Variants in HIPK1 observed in about 807,000 individuals in gnomAD.
HIPK1 encodes the protein homeodomain interacting protein kinase 1.
HIPK1 carries 28 observed loss-of-function variants against 117.1 expected under a neutral mutation model. That is an observed-to-expected ratio of 0.24 (90% CI 0.18 to 0.33). The LOEUF is 0.33. HIPK1 is among the 10% of genes least tolerant of loss of function. The pLI is 1.00. For synonymous variants in HIPK1, 605 were observed against 562.5 expected, an observed-to-expected ratio of 1.08 and a Z score of -1.07; for missense variants, 1,122 against 1,475.1, an observed-to-expected ratio of 0.76 and a Z score of 3.92.
intron 2 of HIPK1, 66 bp from the exon 3 acceptor site, chr1:113,952,700 T>TCATGTAGTTA: frequency 1.7e-6 from 2 of 1,199,564 alleles, no homozygotes; most frequent in Non-Finnish European, 2.2e-6. Flanking sequence ...CAGGACTTAG[T>TCATGTAGTTA]CATGTAGTTA....
intron 15 of HIPK1, among the ~76,000 whole-genome samples, chr1:113,972,760 G>A (rs951614650): frequency 1.3e-5 from 2 of 152,162 alleles, no homozygotes; most frequent in African/African-American, 4.8e-5. Context: ...GCAGGAGTGG[G>A]GAACCCTATG....
intron 8 of HIPK1, 99 bp downstream of exon 8, chr1:113,958,390 T>C: frequency 1.3e-6 from 1 of 783,964 alleles, no homozygotes; most frequent in Non-Finnish European, 2.0e-6. Flanking sequence ...GTTTAAACTC[T>C]GTCTCTGATG....
At position 113,974,387 on chromosome 1, in the gene HIPK1, T is replaced by C. The variant is rs1403519866; in HGVS notation, c.*875T>C. 1 of 152,830 alleles carries C rather than the reference T, an allele frequency of 6.5e-6. No individual in the cohort carries two copies. The highest frequency in any genetic ancestry group is 1.5e-5 in the Non-Finnish European group (1 of 68,042). The allele number at this position is 152,830 out of a possible 1,614,324, so 9.5% of individuals were successfully genotyped here. A position where few individuals can be genotyped will look rare whatever the true frequency, so the allele number is the denominator to read the frequency against. On this transcript the variant is annotated 3_prime_UTR_variant, in exon 16 of 16. Transcript: ENST00000426820. ...ATCGAAAAAGCCATTAAGGTGGTTA[T>C]TATTACATGGTGGTGGTGGTTTTAT...
rs137902440 is a variant in HIPK1, at chr1:113,937,422, C to T, written c.-2-2960C>T. The stretch of plus-strand genomic sequence containing the variant: ...GTATGGATTGGAGTAGAGACTTCCC[C>T]CATGACTCAAGGACCACACAGATAA... On this transcript the variant is annotated intron_variant, in intron 1 of 15. Transcript: ENST00000426820. Among the ~76,000 whole-genome samples, 17 of 151,794 alleles carry T rather than the reference C, an allele frequency of 1.1e-4. No individual in the cohort carries two copies. In the East Asian group the frequency reaches 3.3e-3, roughly 29 times the overall value.
intron 1 of HIPK1, among the ~76,000 whole-genome samples, chr1:113,931,352 C>A (rs1669884735): frequency 6.6e-6 from 1 of 152,044 alleles, no homozygotes; most frequent in Non-Finnish European, 1.5e-5. Context: ...TGTTATAATA[C>A]TGTTATGATG....
At chr1:113,944,174 T>G (rs1571669497) in intron 2 of HIPK1, among the ~76,000 whole-genome samples, 2 of 133,358 alleles carry the variant, frequency 1.5e-5, no homozygotes, top group East Asian at 4.3e-4. Context: ...TTTTTTTTTT[T>G]TTTTTTTTTT....
chr1:113,932,095 G>A (rs570324846), intron 1 of HIPK1: 1 of 152,158 alleles, frequency 6.6e-6, no homozygotes, highest in South Asian at 2.1e-4. Flanking sequence ...TTGGAACCCA[G>A]CTCCTAAATG....
Position 113,971,868 on chromosome 1 carries a change from C to T in HIPK1, c.3058C>T (p.Gln1020Ter). The T allele has an allele frequency of 6.3e-7, 1 of 1,599,748 alleles. No individual in the cohort carries two copies. The highest frequency in any genetic ancestry group is 8.5e-7 in the Non-Finnish European group (1 of 1,175,412). Residue 1020 changes from glutamine to a stop codon, truncating the protein, a stop_gained, in exon 15 of 16, where the codon CAG becomes TAG. Transcript: ENST00000426820. LOFTEE classifies it high-confidence loss of function. ...KTKPVASVSG[Q>*]SSGCCITPTG... Reference sequence around the variant, plus strand: ...TAAGCCAGTCGCTTCAGTGAGTGGGCAGTCATCTGGATGCTGTATCACCCC... The same window carrying T: ...TAAGCCAGTCGCTTCAGTGAGTGGGTAGTCATCTGGATGCTGTATCACCCC...
chr1:113,936,295 A>G (rs898490998), intron 1 of HIPK1, among the ~76,000 whole-genome samples: 1 of 152,198 alleles, frequency 6.6e-6, no homozygotes, highest in Non-Finnish European at 1.5e-5. Flanking sequence ...GATAAGAACT[A>G]TAATCATTTA....
chr1:113,968,998 T>A (rs1443677835), intron 13 of HIPK1, among the ~76,000 whole-genome samples: 1 of 151,788 alleles, frequency 6.6e-6, no homozygotes, highest in Non-Finnish European at 1.5e-5. Flanking sequence ...CCAGCCTGAG[T>A]GACAGAGCAA....
At chr1:113,936,318 T>C (rs1670246071) in intron 1 of HIPK1, among the ~76,000 whole-genome samples, 2 of 152,196 alleles carry the variant, frequency 1.3e-5, no homozygotes, top group African/African-American at 4.8e-5. Flanking sequence ...ATTAAAACAT[T>C]CTGAAAAATA....
At chr1:113,946,446 A>G (rs1178332444) in intron 2 of HIPK1, among the ~76,000 whole-genome samples, 15 of 152,364 alleles carry the variant, frequency 9.8e-5, no homozygotes, top group Admixed American at 7.2e-4. Context: ...GCAATAGGAG[A>G]TAAAAATTAT....
rs1261558077 is a variant in HIPK1, at chr1:113,976,350, T to A, written c.*2838T>A. 1 of 152,416 alleles carries A rather than the reference T, an allele frequency of 6.6e-6. No homozygotes were observed. The highest frequency in any genetic ancestry group is 1.5e-5 in the Non-Finnish European group (1 of 68,040). The allele number at this position is 152,416 out of a possible 1,614,324, so 9.4% of individuals were successfully genotyped here. The stretch of plus-strand genomic sequence containing the variant: ...TTTGCCAAGCACATTCTGATTTTCT[T>A]GTTGGAACACAGGTCTAGTTTCTAA... On this transcript the variant is annotated 3_prime_UTR_variant, in exon 16 of 16. Coordinates refer to ENST00000426820, the MANE Select transcript of HIPK1 (RefSeq NM_198268.3).
At chr1:113,964,760 A>T (rs563819370) in intron 10 of HIPK1, among the ~76,000 whole-genome samples, 1 of 152,180 alleles carries the variant, frequency 6.6e-6, no homozygotes, top group Non-Finnish European at 1.5e-5. Context: ...ATCCAAGCCA[A>T]TGGTTTTAAC....
chr1:113,930,658 A>G (rs1669819665), intron 1 of HIPK1: 1 of 152,260 alleles, frequency 6.6e-6, no homozygotes, highest in South Asian at 2.1e-4. Flanking sequence ...TCTGTGGGGA[A>G]GAGTCCCCTT....
At chr1:113,957,915 GA>G in intron 7 of HIPK1, 150 bp from the exon 8 acceptor site, 1 of 629,354 alleles carries the variant, frequency 1.6e-6, no homozygotes, top group South Asian at 2.1e-5. Context: ...AGGGACTAGG[GA>G]AGTTTCTTAA....
rs184171193 is a variant in HIPK1, at chr1:113,948,402, C to T, written c.1077-4364C>T. On this transcript the variant is annotated intron_variant, in intron 2 of 15. Transcript: ENST00000426820. ...GAGTAGCTAGAACTGCAGGCATGCA[C>T]CACCATACCTGGCTAATTTTTTAAA... Among the ~76,000 whole-genome samples, 68 of 152,192 alleles carry T rather than the reference C, an allele frequency of 4.5e-4. 1 individual carries two copies. The East Asian group carries it at 0.013, about 29-fold the overall frequency.
chr1:113,970,967 C>T (rs1672786909), intron 14 of HIPK1, among the ~76,000 whole-genome samples: 1 of 152,162 alleles, frequency 6.6e-6, no homozygotes, highest in Non-Finnish European at 1.5e-5. Context: ...TGAGCCCAGG[C>T]AATGTAGTCT....
chr1:113,956,509 C>T, intron 5 of HIPK1, 118 bp from the exon 6 acceptor site: 1 of 543,602 alleles, frequency 1.8e-6, no homozygotes, highest in South Asian at 4.2e-5. Context: ...AAGAATTTCC[C>T]CAGGTTTCTC....
Sources: gnomAD v4.1 joint callset for allele counts (sites outside exome capture counted in the v4.1 genomes callset) on GRCh38, gnomAD v4.1.1 for gene constraint, MANE v1.5 for transcripts, NCBI Gene and HGNC (gene_info 2026-07-23, HGNC 2026-07-21) for gene names.